The following MAP3K15 variants were observed in gnomAD, a reference collection of about 807,000 sequenced individuals.
The protein encoded by MAP3K15 is MAPK/ERK kinase kinase 15.
Under a neutral mutation model 99.5 loss-of-function variants are expected in MAP3K15, and 124 were observed. The observed-to-expected ratio is 1.25, with a 90% CI of 1.08 to 1.45. The LOEUF (loss-of-function observed/expected upper bound fraction) is 1.45, where lower values mean the gene tolerates loss of function less well. MAP3K15 is among the 40% of genes most tolerant of loss of function. The pLI is 0.00. For synonymous variants in MAP3K15, 494 were observed against 439.6 expected (o/e 1.12, Z -1.55); for missense variants, 1,242 against 1,079.7 (o/e 1.15, Z -2.11).
chrX:19,505,150 G>A (rs5955564), intron 1 of MAP3K15, among the ~76,000 whole-genome samples: 2 of 103,555 alleles, frequency 1.9e-5, no homozygotes, highest in Middle Eastern at 4.3e-3. Flanking sequence ...CCACCCCCAC[G>A]CCAAGCCAGT....
At chrX:19,402,651 C>A (rs1421656426) in intron 13 of MAP3K15, among the ~76,000 whole-genome samples, 2 of 111,107 alleles carry the variant, frequency 1.8e-5, no homozygotes, top group Non-Finnish European at 3.8e-5. Flanking sequence ...ATATATACTT[C>A]ACAGTTGGAT....
intron 18 of MAP3K15, among the ~76,000 whole-genome samples, chrX:19,381,026 T>G (rs2063454851): frequency 8.9e-6 from 1 of 112,009 alleles, no homozygotes; most frequent in African/African-American, 3.3e-5. Context: ...AAAGACAGAA[T>G]GCTGGCAGCG....
At chrX:19,379,318 C>A (rs2063441515) in intron 19 of MAP3K15, among the ~76,000 whole-genome samples, 1 of 105,698 alleles carries the variant, frequency 9.5e-6, no homozygotes, top group African/African-American at 3.5e-5. Context: ...AACCTGTCAT[C>A]TTTTATTAAT....
At chrX:19,490,629 G>C (rs1480518288) in intron 1 of MAP3K15, among the ~76,000 whole-genome samples, 2 of 109,754 alleles carry the variant, frequency 1.8e-5, no homozygotes, top group African/African-American at 6.6e-5. Context: ...CGTGCCTGTA[G>C]TCCCAGTTAT....
Position 19,418,621 on chromosome X carries a change from A to G in MAP3K15, c.1440-3364T>C, listed in dbSNP as rs1168480007. Among the ~76,000 whole-genome samples, 10 of 111,844 alleles carry G rather than the reference A, an allele frequency of 8.9e-5. No individual in the cohort carries two copies. In the South Asian group the frequency reaches 3.5e-3, roughly 39 times the overall value. ...CAAGCTGGAAAACACTCTGCAGGAC[A>G]GTATCTAGGAGAACTTCCCCAAACT... is the stretch of plus-strand genomic sequence containing the variant. On this transcript the variant is annotated intron_variant, in intron 9 of 28. Transcript: ENST00000338883.
intron 7 of MAP3K15, among the ~76,000 whole-genome samples, chrX:19,429,578 A>T (rs147082153): frequency 0.027 from 2,964 of 109,896 alleles, 101 homozygotes; most frequent in African/African-American, 0.09. Flanking sequence ...CTGAAATATC[A>T]ACATCATCTT....
chrX:19,494,342 T>A (rs2064387070), intron 1 of MAP3K15, among the ~76,000 whole-genome samples: 1 of 110,774 alleles, frequency 9.0e-6, no homozygotes, highest in African/African-American at 3.3e-5. Context: ...ACATCAAGGA[T>A]TTGCAAAAAG....
chrX:19,362,664 C>T, intron 26 of MAP3K15, 74 bp downstream of exon 26: 1 of 627,136 alleles, frequency 1.6e-6, no homozygotes, highest in Non-Finnish European at 2.6e-6. Context: ...CAGAAGATAA[C>T]CTCAAATGTT....
intron 20 of MAP3K15, among the ~76,000 whole-genome samples, chrX:19,374,209 C>A (rs2063401384): frequency 9.0e-6 from 1 of 111,508 alleles, no homozygotes; most frequent in Non-Finnish European, 1.9e-5. Context: ...TCTTCCCAAT[C>A]CCGAAGGAAC....
At chrX:19,448,438 G>A (rs1167518376) in intron 6 of MAP3K15, among the ~76,000 whole-genome samples, 3 of 109,222 alleles carry the variant, frequency 2.7e-5, no homozygotes. Flanking sequence ...TGGCAGGGCT[G>A]TTAACAGTGT....
intron 19 of MAP3K15, among the ~76,000 whole-genome samples, chrX:19,378,766 C>T (rs1382713743): frequency 1.8e-5 from 2 of 111,634 alleles, no homozygotes; most frequent in Non-Finnish European, 3.8e-5. Flanking sequence ...ATCAGCTTCC[C>T]GTGAGGTCAC....
intron 9 of MAP3K15, among the ~76,000 whole-genome samples, chrX:19,422,585 GTAAAC>G (rs2147295777): frequency 8.9e-6 from 1 of 112,000 alleles, no homozygotes; most frequent in Admixed American, 9.5e-5. Context: ...TGGTGGGACT[GTAAAC>G]TAATTCAACC....
At chrX:19,456,840 G>A (rs1486783787) in intron 6 of MAP3K15, 73 bp downstream of exon 6, 19 of 782,867 alleles carry the variant, frequency 2.4e-5, no homozygotes, top group Non-Finnish European at 3.3e-5. Flanking sequence ...CATACCCGAT[G>A]TTGAATGAAA....
chrX:19,378,743 G>A (rs772083291), intron 19 of MAP3K15, among the ~76,000 whole-genome samples: 19 of 111,420 alleles, frequency 1.7e-4, no homozygotes, highest in African/African-American at 4.9e-4. Flanking sequence ...TGGGTACACC[G>A]GGGTGTCCTG....
At chrX:19,375,862 G>A (rs1392969918) in intron 19 of MAP3K15, among the ~76,000 whole-genome samples, 8 of 112,478 alleles carry the variant, frequency 7.1e-5, no homozygotes. Context: ...CAGCTCAGGA[G>A]TTACGGATTC....
chrX:19,425,272 T>C (rs1424933894), intron 9 of MAP3K15, among the ~76,000 whole-genome samples: 1 of 111,834 alleles, frequency 8.9e-6, no homozygotes, highest in East Asian at 2.8e-4. Flanking sequence ...TGTTTTTCTC[T>C]TGAGGACCTA....
chrX:19,479,273 C>A (rs1395420321), intron 3 of MAP3K15, among the ~76,000 whole-genome samples: 1 of 111,323 alleles, frequency 9.0e-6, no homozygotes, highest in Non-Finnish European at 1.9e-5. Context: ...GAGAGTATCT[C>A]ATCCAAGCTA....
intron 1 of MAP3K15, among the ~76,000 whole-genome samples, chrX:19,492,444 G>A (rs2064374417): frequency 9.0e-6 from 1 of 111,232 alleles, no homozygotes; most frequent in Admixed American, 9.6e-5. Context: ...TTTAGCAGGA[G>A]ACTCTCAGAG....
At chrX:19,509,489 G>A (rs1380295774) in intron 1 of MAP3K15, among the ~76,000 whole-genome samples, 1 of 111,903 alleles carries the variant, frequency 8.9e-6, no homozygotes, top group Non-Finnish European at 1.9e-5. Flanking sequence ...GCTCCTGAAT[G>A]ACTACTGGGT....
Sources: allele counts gnomAD v4.1 joint callset (sites outside exome capture counted in the v4.1 genomes callset), GRCh38; gene constraint gnomAD v4.1.1; transcripts MANE v1.5; gene names NCBI Gene and HGNC (gene_info 2026-07-23, HGNC 2026-07-21).